Variants in NPY2R observed in about 807,000 individuals in gnomAD.
The protein encoded by NPY2R is neuropeptide Y receptor type 2.
Under a neutral mutation model 22.3 loss-of-function variants are expected in NPY2R, and 17 were observed. The ratio of observed to expected loss-of-function variants is 0.76; its 90% confidence interval spans 0.52 to 1.14. The LOEUF (loss-of-function observed/expected upper bound fraction) is 1.14, where lower values mean the gene tolerates loss of function less well. Ranked by LOEUF, NPY2R falls within the 50% of genes most tolerant of loss-of-function variation. NPY2R has a pLI of 0.00. For synonymous variants in NPY2R, 209 were observed against 183.4 expected, an observed-to-expected ratio of 1.14 and a Z score of -1.13; for missense variants, 424 against 467.9, an observed-to-expected ratio of 0.91 and a Z score of 0.87.
rs1380933420 is a variant in NPY2R, at chr4:155,215,057, A to G, written c.1118A>G (p.Asp373Gly). Reference sequence around the variant, plus strand: ...GTCAGAAAGAACAGTGGCCCCAATGACTCTTTCACAGAGGCTACCAATGTC... The same window carrying G: ...GTCAGAAAGAACAGTGGCCCCAATGGCTCTTTCACAGAGGCTACCAATGTC... ...LEVRKNSGPNDSFTEATNV is the reference protein window; with the variant it reads ...LEVRKNSGPNGSFTEATNV The change falls in exon 2 of 2, where the codon GAC becomes GGC. Residue 373 changes from aspartate (D) to glycine (G), a missense_variant. Physicochemically the swap from Asp to Gly is moderately conservative, Grantham distance 94. Coordinates refer to ENST00000329476, the MANE Select transcript of NPY2R (RefSeq NM_000910.4). 1 of 1,613,128 alleles carries G rather than the reference A, an allele frequency of 6.2e-7. No individual in the cohort carries two copies. The highest frequency in any genetic ancestry group is 8.5e-7 in the Non-Finnish European group (1 of 1,180,022).
chr4:155,206,787 A>G (rs1406786417), upstream of NPY2R: 1 of 152,250 alleles, frequency 6.6e-6, no homozygotes, highest in Non-Finnish European at 1.5e-5. Context: ...TCTAAAAGAC[A>G]ACACTCATCT....
rs765184709 is a variant in NPY2R at position 155,213,899 on chromosome 4, A to C, written c.-41A>C. The C allele has an allele frequency of 2.7e-6, 4 of 1,508,994 alleles. No homozygotes were observed. Among genetic ancestry groups the C allele is most frequent in the Non-Finnish European group, 3.7e-6 (4 of 1,085,204 alleles). The allele number at this position is 1,508,994 out of a possible 1,614,324, so 93.5% of individuals were successfully genotyped here. On this transcript the variant is annotated 5_prime_UTR_variant, in exon 2 of 2. Transcript: ENST00000329476. ...TTTGTTTTTTCTTTTTAGGTTGTAG[A>C]CTCTTGTGCTGGTTGCAGGCCAAGT...
chr4:155,210,979 ATT>A (rs34627394), intron 1 of NPY2R, among the ~76,000 whole-genome samples: 34 of 151,162 alleles, frequency 2.2e-4, no homozygotes, highest in Admixed American at 8.6e-4. Flanking sequence ...TCTCAGGACA[ATT>A]TTTTTTTTGT....
At chr4:155,195,197 T>C in the NPY2R span, among the ~76,000 whole-genome samples, 2,716 of 152,116 alleles carry the variant, frequency 0.018, 44 homozygotes, top group South Asian at 0.07. Flanking sequence ...CTGAAGAACA[T>C]AACATGTCAA....
the NPY2R span, among the ~76,000 whole-genome samples, chr4:155,189,923 A>G: frequency 6.6e-6 from 1 of 151,868 alleles, no homozygotes; most frequent in Non-Finnish European, 1.5e-5. Flanking sequence ...AGTTATATTG[A>G]GCTATTTGTC....
At chr4:155,180,172 A>G in the NPY2R span, among the ~76,000 whole-genome samples, 71,642 of 151,770 alleles carry the variant, frequency 0.47, 17,624 homozygotes, top group East Asian at 0.7. Flanking sequence ...CTCCCACCTC[A>G]GCCTCCCAAA....
the NPY2R span, among the ~76,000 whole-genome samples, chr4:155,195,456 A>G: frequency 1.3e-5 from 2 of 151,998 alleles, no homozygotes; most frequent in Non-Finnish European, 2.9e-5. Context: ...AACACCAGAC[A>G]ATTTTGATGA....
chr4:155,185,307 G>C, the NPY2R span, among the ~76,000 whole-genome samples: 47 of 152,052 alleles, frequency 3.1e-4, no homozygotes, highest in African/African-American at 1.1e-3. Context: ...CAAAGTGATG[G>C]GATTACAGGC....
chr4:155,211,184 C>A, intron 1 of NPY2R, among the ~76,000 whole-genome samples: 1 of 152,070 alleles, frequency 6.6e-6, no homozygotes, highest in East Asian at 1.9e-4. Context: ...TTGCTGAGTA[C>A]CTTTAATATG....
At chr4:155,177,654 C>T in the NPY2R span, among the ~76,000 whole-genome samples, 1 of 151,986 alleles carries the variant, frequency 6.6e-6, no homozygotes, top group African/African-American at 2.4e-5. Flanking sequence ...TTTGTGGTAG[C>T]CCCAACCCTG....
At chr4:155,197,912 T>C in the NPY2R span, among the ~76,000 whole-genome samples, 2 of 151,996 alleles carry the variant, frequency 1.3e-5, no homozygotes, top group African/African-American at 2.4e-5. Flanking sequence ...TAATGAGATA[T>C]ATGTGTGCCT....
the NPY2R span, among the ~76,000 whole-genome samples, chr4:155,190,261 T>G: frequency 6.6e-6 from 1 of 152,052 alleles, no homozygotes; most frequent in African/African-American, 2.4e-5. Flanking sequence ...AATGACTCTA[T>G]TAGTTGAGAG....
At chr4:155,176,388 C>T in the NPY2R span, among the ~76,000 whole-genome samples, 5,866 of 152,118 alleles carry the variant, frequency 0.039, 381 homozygotes, top group African/African-American at 0.13. Context: ...TCTTCTCGGG[C>T]GGGGTCTTTC....
rs1729481711 is a variant in NPY2R, at chr4:155,214,857, C to T, written c.918C>T (p.Ile306=). ...QVLDLKEYKL[I]FTVFHIIAMC... is the part of the protein sequence containing the mutation. Reference sequence around the variant, plus strand: ...TGGACCTGAAGGAGTACAAACTCATCTTCACAGTGTTCCACATCATCGCCA... The same window carrying T: ...TGGACCTGAAGGAGTACAAACTCATTTTCACAGTGTTCCACATCATCGCCA... The change falls in exon 2 of 2, where the codon ATC becomes ATT. Residue 306 remains isoleucine, a synonymous_variant. Coordinates refer to ENST00000329476, the MANE Select transcript of NPY2R (RefSeq NM_000910.4). The T allele has an allele frequency of 6.2e-7, 1 of 1,609,354 alleles. No homozygotes were observed. Among genetic ancestry groups the T allele is most frequent in the Non-Finnish European group, 8.5e-7 (1 of 1,176,992 alleles).
the NPY2R span, chr4:155,173,736 A>G: frequency 6.6e-6 from 1 of 151,774 alleles, no homozygotes; most frequent in Admixed American, 6.6e-5. Flanking sequence ...TTGAGGAACC[A>G]TATTCATTCA....
upstream of NPY2R, among the ~76,000 whole-genome samples, chr4:155,206,345 G>A (rs1729284178): frequency 1.3e-5 from 2 of 152,216 alleles, no homozygotes; most frequent in Admixed American, 1.3e-4. Context: ...ACTCCTGTCA[G>A]TGTCACAACT....
the NPY2R span, among the ~76,000 whole-genome samples, chr4:155,193,386 G>A: frequency 1.3e-5 from 2 of 151,808 alleles, no homozygotes; most frequent in Non-Finnish European, 2.9e-5. Flanking sequence ...ATAATCACGA[G>A]GCCACAGCTA....
At chr4:155,183,075 G>A in the NPY2R span, among the ~76,000 whole-genome samples, 1 of 152,094 alleles carries the variant, frequency 6.6e-6, no homozygotes, top group East Asian at 1.9e-4. Flanking sequence ...TTACAGGCAT[G>A]AGCCACCATG....
At chr4:155,179,739 T>C in the NPY2R span, among the ~76,000 whole-genome samples, 1 of 152,194 alleles carries the variant, frequency 6.6e-6, no homozygotes, top group Non-Finnish European at 1.5e-5. Flanking sequence ...CCCATGCAGA[T>C]TTTGTAGCCT....
Sources: allele counts gnomAD v4.1 joint callset (sites outside exome capture counted in the v4.1 genomes callset), GRCh38; gene constraint gnomAD v4.1.1; transcripts MANE v1.5; gene names NCBI Gene and HGNC (gene_info 2026-07-23, HGNC 2026-07-21).